The following ATP8A1 variants were observed in gnomAD, a reference collection of about 807,000 sequenced individuals.
ATP8A1 encodes ATPase phospholipid transporting 8A1.
A neutral mutation model predicts 177.7 loss-of-function variants in ATP8A1; 90 were observed. That is an observed-to-expected ratio of 0.51 (90% CI 0.43 to 0.60). ATP8A1 has a LOEUF of 0.60. ATP8A1 is among the 20% of genes least tolerant of loss of function. ATP8A1 has a pLI of 0.00. For synonymous variants in ATP8A1, 493 were observed against 485.9 expected (o/e 1.01, Z -0.19); for missense variants, 1,072 against 1,392.8 (o/e 0.77, Z 3.67).
At position 42,415,633 on chromosome 4, in the gene ATP8A1, A is replaced by G. The variant is rs568242534; in HGVS notation, c.3306-915T>C. On this transcript the variant is annotated intron_variant, in intron 35 of 36. Transcript: ENST00000381668. The stretch of plus-strand genomic sequence containing the variant: ...AGAACATAATAGGCATGAGAAACAA[A>G]TAAGTAATCCATATGTGTTGCAGCA... Among the ~76,000 whole-genome samples the G allele has an allele frequency of 2.2e-4, 34 of 152,278 alleles. No individual in the cohort carries two copies. The South Asian group carries it at 2.9e-3, about 13-fold the overall frequency.
At chr4:42,448,828 G>GTTTTTT (rs55946444) in intron 30 of ATP8A1, among the ~76,000 whole-genome samples, 25 of 84,228 alleles carry the variant, frequency 3.0e-4, no homozygotes, top group African/African-American at 1.0e-3. Context: ...TGTACTTTGC[G>GTTTTTT]TTTTTTTTTT....
chr4:42,456,062 T>C (rs1481999231), intron 27 of ATP8A1, among the ~76,000 whole-genome samples: 1 of 152,226 alleles, frequency 6.6e-6, no homozygotes, highest in Non-Finnish European at 1.5e-5. Context: ...GCACTGGTTG[T>C]ATAGTTCATT....
intron 20 of ATP8A1, among the ~76,000 whole-genome samples, chr4:42,542,830 C>G (rs1246634935): frequency 2.0e-5 from 3 of 152,088 alleles, no homozygotes; most frequent in Non-Finnish European, 4.4e-5. Context: ...TCTTTATTCC[C>G]TTATCACTGA....
chr4:42,589,018 T>C (rs989404983), intron 7 of ATP8A1, among the ~76,000 whole-genome samples: 1 of 152,206 alleles, frequency 6.6e-6, no homozygotes, highest in African/African-American at 2.4e-5. Flanking sequence ...ATATTGCTCC[T>C]TGACCTAGAA....
chr4:42,416,192 T>C (rs540727376), intron 35 of ATP8A1, among the ~76,000 whole-genome samples: 9 of 152,272 alleles, frequency 5.9e-5, no homozygotes, highest in African/African-American at 2.2e-4. Context: ...CACTAAAATA[T>C]GTAACTGCTT....
Position 42,446,504 on chromosome 4 carries a change from G to A in ATP8A1, c.2958+79C>T, listed in dbSNP as rs147384560. 103 of 1,439,728 alleles carry A rather than the reference G, an allele frequency of 7.2e-5. No individual in the cohort carries two copies. The Middle Eastern group carries it at 1.1e-3, about 15-fold the overall frequency. The allele number at this position is 1,439,728 out of a possible 1,614,324, so 89.2% of individuals were successfully genotyped here. On this transcript the variant is annotated intron_variant, in intron 31 of 36. Transcript: ENST00000381668. ...TTAAATCCAGAAACACTCATATCACGTTTAAATTTAAAAATAAAATGAGGA... is the reference window on the plus strand; with the variant it reads ...TTAAATCCAGAAACACTCATATCACATTTAAATTTAAAAATAAAATGAGGA...
At chr4:42,509,854 A>G (rs1053435810) in intron 22 of ATP8A1, among the ~76,000 whole-genome samples, 17 of 150,722 alleles carry the variant, frequency 1.1e-4, no homozygotes, top group African/African-American at 4.2e-4. Context: ...AGTCTCAAAA[A>G]AAAAAAAAAA....
intron 24 of ATP8A1, among the ~76,000 whole-genome samples, chr4:42,500,319 C>T (rs905451566): frequency 1.3e-5 from 2 of 152,038 alleles, no homozygotes; most frequent in Admixed American, 6.6e-5. Flanking sequence ...GAGCCGAGAT[C>T]GTGCCACTGC....
intron 24 of ATP8A1, among the ~76,000 whole-genome samples, chr4:42,500,495 T>A (rs1457685394): frequency 1.3e-5 from 2 of 152,176 alleles, no homozygotes; most frequent in Non-Finnish European, 1.5e-5. Context: ...TATTCAAATT[T>A]AAAAAATTAT....
chr4:42,606,787 C>G (rs908032916), intron 5 of ATP8A1, among the ~76,000 whole-genome samples: 1 of 152,152 alleles, frequency 6.6e-6, no homozygotes, highest in Non-Finnish European at 1.5e-5. Context: ...TGATTGTACC[C>G]TGTAAGAGAG....
At chr4:42,583,134 A>G (rs905509813) in intron 9 of ATP8A1, among the ~76,000 whole-genome samples, 6 of 151,700 alleles carry the variant, frequency 4.0e-5, no homozygotes, top group African/African-American at 1.5e-4. Flanking sequence ...GTAGGCTTGG[A>G]AGGCTAGTAG....
At chr4:42,578,436 T>G (rs756244116) in intron 11 of ATP8A1, 49 bp from the exon 12 acceptor site, 1 of 1,589,964 alleles carries the variant, frequency 6.3e-7, no homozygotes, top group African/African-American at 1.4e-5. Context: ...ATATTTTATT[T>G]GCATTGACCC....
chr4:42,461,995 TGA>T (rs1719216976), intron 27 of ATP8A1, among the ~76,000 whole-genome samples: 1 of 152,112 alleles, frequency 6.6e-6, no homozygotes. Context: ...ACTTTGAACT[TGA>T]GAGAGATGAT....
intron 33 of ATP8A1, among the ~76,000 whole-genome samples, chr4:42,438,350 C>T (rs1716236087): frequency 6.6e-6 from 1 of 152,174 alleles, no homozygotes; most frequent in Admixed American, 6.5e-5. Flanking sequence ...GGCCCTTCAT[C>T]AATGGGGCCC....
intron 20 of ATP8A1, among the ~76,000 whole-genome samples, chr4:42,535,375 T>C (rs759248882): frequency 3.0e-4 from 46 of 152,274 alleles, no homozygotes; most frequent in Non-Finnish European, 4.9e-4. Context: ...AGAGGGACAT[T>C]ATATAATGAC....
intron 21 of ATP8A1, 69 bp from the exon 22 acceptor site, chr4:42,522,368 T>A (rs1251176388): frequency 1.3e-6 from 2 of 1,559,838 alleles, no homozygotes; most frequent in Non-Finnish European, 1.7e-6. Flanking sequence ...GTTTCTGTTT[T>A]TATTTCACAA....
chr4:42,541,720 A>G (rs751665749), intron 20 of ATP8A1, among the ~76,000 whole-genome samples: 11 of 152,186 alleles, frequency 7.2e-5, no homozygotes, highest in Non-Finnish European at 1.6e-4. Context: ...ATGAAAAGAC[A>G]TGGAGGAACC....
intron 25 of ATP8A1, among the ~76,000 whole-genome samples, chr4:42,483,000 A>T (rs570890355): frequency 1.3e-5 from 2 of 152,236 alleles, no homozygotes; most frequent in Non-Finnish European, 2.9e-5. Flanking sequence ...CTTCTAATGG[A>T]GTAAAATAGA....
At chr4:42,635,812 C>CATATATAT (rs1324939916) in intron 1 of ATP8A1, among the ~76,000 whole-genome samples, 11 of 69,176 alleles carry the variant, frequency 1.6e-4, no homozygotes, top group Admixed American at 1.3e-3. Flanking sequence ...TATATATATA[C>CATATATAT]ACATGTATGT....
Sources: gnomAD v4.1 joint callset for allele counts (sites outside exome capture counted in the v4.1 genomes callset) on GRCh38, gnomAD v4.1.1 for gene constraint, MANE v1.5 for transcripts, NCBI Gene and HGNC (gene_info 2026-07-23, HGNC 2026-07-21) for gene names.